The following WWOX variants were observed in gnomAD, a reference collection of about 807,000 sequenced individuals.
The protein encoded by WWOX is WW domain-containing oxidoreductase.
In WWOX, 69 loss-of-function variants were observed where a neutral mutation model predicts 46.2. The observed-to-expected ratio is 1.49, with a 90% CI of 1.23 to 1.82. The LOEUF (loss-of-function observed/expected upper bound fraction) is 1.82. WWOX is among the 40% of genes most tolerant of loss of function. The pLI is 0.00. For synonymous variants in WWOX, 359 were observed against 202.6 expected, an observed-to-expected ratio of 1.77 and a Z score of -6.56; for missense variants, 919 against 542.6, an observed-to-expected ratio of 1.69 and a Z score of -6.89.
chr16:78,824,996 C>T (rs1073923), intron 8 of WWOX, among the ~76,000 whole-genome samples: 10,390 of 152,170 alleles, frequency 0.068, 366 homozygotes, highest in African/African-American at 0.098. Context: ...GCGTTATAGC[C>T]ATAAACAAAG....
intron 8 of WWOX, among the ~76,000 whole-genome samples, chr16:79,132,794 A>G (rs900079482): frequency 8.5e-5 from 13 of 152,330 alleles, no homozygotes; most frequent in Middle Eastern, 3.4e-3. Context: ...ACTGATGTCA[A>G]TGACTTTTCA....
chr16:79,090,714 C>T (rs544133251), intron 8 of WWOX, among the ~76,000 whole-genome samples: 6 of 152,184 alleles, frequency 3.9e-5, no homozygotes, highest in African/African-American at 1.4e-4. Flanking sequence ...GAGGCACATG[C>T]TCGGCGGGGC....
chr16:78,529,871 C>G (rs1406008146), intron 8 of WWOX, among the ~76,000 whole-genome samples: 1 of 152,124 alleles, frequency 6.6e-6, no homozygotes, highest in East Asian at 1.9e-4. Context: ...TGCACTGAAG[C>G]AAAAATAACA....
At chr16:78,866,322 C>G (rs529028148) in intron 8 of WWOX, among the ~76,000 whole-genome samples, 6 of 152,248 alleles carry the variant, frequency 3.9e-5, no homozygotes, top group Admixed American at 1.3e-4. Context: ...TCATTTCACT[C>G]TTTCTCCCTC....
chr16:78,307,994 A>T (rs1406518543), intron 5 of WWOX, among the ~76,000 whole-genome samples: 1 of 152,216 alleles, frequency 6.6e-6, no homozygotes, highest in Non-Finnish European at 1.5e-5. Context: ...GTGGCAGCTG[A>T]TGGAGGAAGG....
At chr16:78,214,894 C>T (rs2036669213) in intron 5 of WWOX, among the ~76,000 whole-genome samples, 1 of 151,108 alleles carries the variant, frequency 6.6e-6, no homozygotes, top group Non-Finnish European at 1.5e-5. Flanking sequence ...AGGGATACTA[C>T]TTGGTATATT....
At chr16:79,014,218 G>C (rs1470517507) in intron 8 of WWOX, among the ~76,000 whole-genome samples, 1 of 152,192 alleles carries the variant, frequency 6.6e-6, no homozygotes, top group Non-Finnish European at 1.5e-5. Flanking sequence ...TTCCCGAGAT[G>C]GTGGTCATGG....
At chr16:78,706,775 C>A (rs1032500082) in intron 8 of WWOX, among the ~76,000 whole-genome samples, 2 of 152,184 alleles carry the variant, frequency 1.3e-5, no homozygotes, top group Non-Finnish European at 2.9e-5. Flanking sequence ...CTGACAGCTA[C>A]CCTTGCAACT....
intron 8 of WWOX, among the ~76,000 whole-genome samples, chr16:79,074,302 T>C (rs115984925): frequency 3.3e-5 from 5 of 151,248 alleles, no homozygotes; most frequent in Non-Finnish European, 5.9e-5. Context: ...TGGTTGGCTG[T>C]CACCCCCATT....
At chr16:78,807,353 A>G (rs2051069857) in intron 8 of WWOX, among the ~76,000 whole-genome samples, 1 of 152,252 alleles carries the variant, frequency 6.6e-6, no homozygotes. Flanking sequence ...ATCTAAAACA[A>G]GAGGACCAGA....
intron 8 of WWOX, among the ~76,000 whole-genome samples, chr16:78,647,648 A>G (rs933178108): frequency 6.6e-6 from 1 of 152,236 alleles, no homozygotes; most frequent in Non-Finnish European, 1.5e-5. Context: ...CTGAGTGCTG[A>G]CAGGCACATC....
chr16:79,193,479 C>A (rs960985492), intron 8 of WWOX, among the ~76,000 whole-genome samples: 1 of 152,174 alleles, frequency 6.6e-6, no homozygotes, highest in African/African-American at 2.4e-5. Flanking sequence ...CTGGGTCTTG[C>A]GTCACAGAGA....
intron 8 of WWOX, among the ~76,000 whole-genome samples, chr16:78,783,726 TTGATGTTGA>T (rs1354662995): frequency 5.2e-5 from 4 of 76,754 alleles, no homozygotes; most frequent in East Asian, 4.0e-4. Flanking sequence ...GGTGATGATG[TTGATGTTGA>T]TGATGATGGT....
At chr16:78,995,593 GAGAA>G (rs1456314796) in intron 8 of WWOX, among the ~76,000 whole-genome samples, 1 of 151,986 alleles carries the variant, frequency 6.6e-6, no homozygotes, top group Non-Finnish European at 1.5e-5. Flanking sequence ...AAAAGAAAGA[GAGAA>G]AGAGAAAAAA....
chr16:78,807,518 T>C lies in WWOX; in HGVS notation c.1056+374766T>C, dbSNP rs141039824. The stretch of plus-strand genomic sequence containing the variant: ...CCGGGTTTATTTTAAATGTTTTTGC[T>C]TCTACATGGATTCTAATTAACGACA... On this transcript the variant is annotated intron_variant, in intron 8 of 8. Coordinates refer to ENST00000566780, the MANE Select transcript of WWOX (RefSeq NM_016373.4). Among the ~76,000 whole-genome samples, 204 of 152,372 alleles carry C rather than the reference T, an allele frequency of 1.3e-3. 1 individual carries two copies. The highest frequency in any genetic ancestry group is 4.6e-3 in the African/African-American group (192 of 41,592).
intron 5 of WWOX, among the ~76,000 whole-genome samples, chr16:78,232,979 C>G (rs186521435): frequency 1.3e-5 from 2 of 152,104 alleles, no homozygotes; most frequent in African/African-American, 4.8e-5. Flanking sequence ...GTTGCTGGGA[C>G]TACAGGCGTG....
At chr16:78,688,254 T>C (rs913798635) in intron 8 of WWOX, among the ~76,000 whole-genome samples, 3 of 152,120 alleles carry the variant, frequency 2.0e-5, no homozygotes, top group Non-Finnish European at 4.4e-5. Context: ...TGTAGAAAGC[T>C]TGGTTTTATT....
At chr16:78,406,026 A>C (rs565821481) in intron 6 of WWOX, among the ~76,000 whole-genome samples, 1 of 152,098 alleles carries the variant, frequency 6.6e-6, no homozygotes, top group Admixed American at 6.6e-5. Context: ...CATTCCATCA[A>C]TAGAATGACT....
intron 8 of WWOX, among the ~76,000 whole-genome samples, chr16:78,694,303 AGT>A (rs1341302083): frequency 1.3e-5 from 2 of 152,178 alleles, no homozygotes; most frequent in African/African-American, 4.8e-5. Context: ...ACCTGTGGAA[AGT>A]GTGGTTCTGT....
Sources: allele counts gnomAD v4.1 joint callset (sites outside exome capture counted in the v4.1 genomes callset), GRCh38; gene constraint gnomAD v4.1.1; transcripts MANE v1.5; gene names NCBI Gene and HGNC (gene_info 2026-07-23, HGNC 2026-07-21).